Variants in AOPEP observed in about 807,000 individuals in gnomAD.
AOPEP encodes the protein aminopeptidase O (putative).
In AOPEP, 77 loss-of-function variants were observed where a neutral mutation model predicts 98.1. The ratio of observed to expected loss-of-function variants is 0.78; its 90% CI spans 0.65 to 0.95. The LOEUF (loss-of-function observed/expected upper bound fraction) is 0.95, where lower values mean the gene tolerates loss of function less well. AOPEP is among the 40% of genes least tolerant of loss of function. AOPEP has a pLI of 0.00. For missense variants in AOPEP, 1,024 were observed against 1,024.7 expected, an observed-to-expected ratio of 1.00 and a Z score of 0.01; for synonymous variants, 346 against 365.3, an observed-to-expected ratio of 0.95 and a Z score of 0.60.
chr9:94,990,886 C>A (rs527803072), intron 11 of AOPEP, among the ~76,000 whole-genome samples: 1 of 152,170 alleles, frequency 6.6e-6, no homozygotes, highest in Admixed American at 6.5e-5. Flanking sequence ...CCTCAGCCCC[C>A]CAAAGTGCTG....
chr9:95,045,242 G>A (rs1483708471), intron 13 of AOPEP, among the ~76,000 whole-genome samples: 1 of 152,304 alleles, frequency 6.6e-6, no homozygotes, highest in East Asian at 1.9e-4. Flanking sequence ...GAGTGTCATC[G>A]CCTGCAGCGG....
rs1589240157 is a variant in AOPEP at position 95,006,365 on chromosome 9, A to C, written c.2115+749A>C. On this transcript the variant is annotated intron_variant, in intron 13 of 16. Coordinates refer to ENST00000375315, the MANE Select transcript of AOPEP (RefSeq NM_001193329.3). ...ATTCTTGATACCAGCAAGGGATTAA[A>C]ATAGCGGTGTGTTTTTCTGCTGCTA... is the stretch of plus-strand genomic sequence containing the variant. Among the ~76,000 whole-genome samples the C allele has an allele frequency of 2.6e-5, 4 of 152,316 alleles. No individual in the cohort carries two copies. In the South Asian group the frequency reaches 8.3e-4, roughly 32 times the overall value.
intron 5 of AOPEP, among the ~76,000 whole-genome samples, chr9:94,852,092 C>A (rs1464819054): frequency 6.6e-6 from 1 of 152,020 alleles, no homozygotes; most frequent in African/African-American, 2.4e-5. Context: ...AAGGGTGGAC[C>A]CCGTAGACAT....
At position 94,858,120 on chromosome 9, in the gene AOPEP, G is replaced by C. The variant is rs571276214; in HGVS notation, c.1364+57118G>C. On this transcript the variant is annotated intron_variant, in intron 5 of 16. Coordinates refer to ENST00000375315, the MANE Select transcript of AOPEP (RefSeq NM_001193329.3). ...AAACAAAAACACATTTAGAACCCTG[G>C]TTAATTGTTACATCGTTTTGTCTTC... Among the ~76,000 whole-genome samples, 3 of 151,856 alleles carry C rather than the reference G, an allele frequency of 2.0e-5. No homozygotes were observed. In the South Asian group the frequency reaches 6.2e-4, roughly 32 times the overall value.
chr9:95,146,183 A>G, the AOPEP span, among the ~76,000 whole-genome samples: 1 of 152,140 alleles, frequency 6.6e-6, no homozygotes, highest in South Asian at 2.1e-4. Context: ...TTTCTCACTG[A>G]AAGTATTTAA....
chr9:95,123,869 G>A, the AOPEP span: 1 of 574,408 alleles, frequency 1.7e-6, no homozygotes, highest in East Asian at 3.7e-5. Flanking sequence ...GCCCACGTAA[G>A]GAGTTGAGTC....
chr9:95,102,796 T>C, the AOPEP span, among the ~76,000 whole-genome samples: 2 of 152,322 alleles, frequency 1.3e-5, no homozygotes, highest in Admixed American at 1.3e-4. Flanking sequence ...GCATGCGCAC[T>C]GTGTGAATGG....
At chr9:95,058,583 G>GT (rs2067038349) in intron 13 of AOPEP, among the ~76,000 whole-genome samples, 1 of 152,214 alleles carries the variant, frequency 6.6e-6, no homozygotes, top group Admixed American at 6.5e-5. Flanking sequence ...TCCTCGGACT[G>GT]TCTGTCTTGA....
chr9:94,991,929 C>G lies in AOPEP; in HGVS notation c.1977+12502C>G, dbSNP rs145860311. Among the ~76,000 whole-genome samples the G allele has an allele frequency of 2.4e-3, 366 of 152,314 alleles. 1 individual carries two copies. Among genetic ancestry groups the G allele is most frequent in the African/African-American group, 8.1e-3 (338 of 41,570 alleles). On this transcript the variant is annotated intron_variant, in intron 11 of 16. Transcript: ENST00000375315. ...GGTCTTTGCATTTGGAAAGATACAG[C>G]CATTCCTCACTTGAGATGGAAACTA...
At chr9:94,919,481 C>T (rs1032971660) in intron 5 of AOPEP, among the ~76,000 whole-genome samples, 3 of 152,158 alleles carry the variant, frequency 2.0e-5, no homozygotes, top group Non-Finnish European at 4.4e-5. Flanking sequence ...GGCCACCCCC[C>T]CACTTTGGCT....
At chr9:95,051,538 T>C (rs2066365426) in intron 13 of AOPEP, among the ~76,000 whole-genome samples, 1 of 152,198 alleles carries the variant, frequency 6.6e-6, no homozygotes, top group Non-Finnish European at 1.5e-5. Flanking sequence ...TAGATTGTTA[T>C]AACTCCTCAT....
intron 5 of AOPEP, among the ~76,000 whole-genome samples, chr9:94,874,396 C>A (rs986265623): frequency 1.3e-5 from 2 of 151,816 alleles, no homozygotes; most frequent in Admixed American, 1.3e-4. Flanking sequence ...ACAGGAAAAT[C>A]GAGTTATTTT....
intron 2 of AOPEP, among the ~76,000 whole-genome samples, chr9:94,761,476 C>T (rs1838278249): frequency 6.6e-6 from 1 of 152,086 alleles, no homozygotes; most frequent in Non-Finnish European, 1.5e-5. Flanking sequence ...GATGGAGGAA[C>T]GTTGACCTCT....
chr9:94,942,904 C>CAAAAAAAA (rs35186299), intron 7 of AOPEP, among the ~76,000 whole-genome samples: 3 of 82,796 alleles, frequency 3.6e-5, no homozygotes, highest in Non-Finnish European at 7.4e-5. Context: ...GAGTCTGTCT[C>CAAAAAAAA]AAAAAAAAAA....
intron 13 of AOPEP, among the ~76,000 whole-genome samples, chr9:95,058,577 C>T (rs954253111): frequency 2.0e-5 from 3 of 152,208 alleles, no homozygotes; most frequent in African/African-American, 7.2e-5. Context: ...CTGTTGTCCT[C>T]GGACTGTCTG....
intron 11 of AOPEP, among the ~76,000 whole-genome samples, chr9:94,981,854 G>GGTTCTACCT (rs1370992178): frequency 6.6e-6 from 1 of 152,200 alleles, no homozygotes; most frequent in African/African-American, 2.4e-5. Context: ...ATGTTCTACT[G>GGTTCTACCT]GTGGAGTTTT....
intron 1 of AOPEP, among the ~76,000 whole-genome samples, chr9:94,741,514 G>C (rs1287241482): frequency 6.6e-6 from 1 of 152,022 alleles, no homozygotes; most frequent in East Asian, 1.9e-4. Flanking sequence ...CTCGTCATCT[G>C]CCCGTCTCGG....
the AOPEP span, among the ~76,000 whole-genome samples, chr9:95,125,636 T>C: frequency 6.6e-6 from 1 of 152,234 alleles, no homozygotes; most frequent in African/African-American, 2.4e-5. Context: ...TAATTTTTCT[T>C]TATGTTTGTT....
intron 1 of AOPEP, among the ~76,000 whole-genome samples, chr9:94,736,899 G>C (rs1451751923): frequency 6.6e-6 from 1 of 152,192 alleles, no homozygotes; most frequent in African/African-American, 2.4e-5. Context: ...GAAGGGTTTA[G>C]AAACTGTGTC....
Sources: gnomAD v4.1 joint callset for allele counts (sites outside exome capture counted in the v4.1 genomes callset) on GRCh38, gnomAD v4.1.1 for gene constraint, MANE v1.5 for transcripts, NCBI Gene and HGNC (gene_info 2026-07-23, HGNC 2026-07-21) for gene names.